The following FGF7 variants were observed in gnomAD, a reference collection of about 807,000 sequenced individuals.
The protein encoded by FGF7 is FGF-7.
A neutral mutation model predicts 20.5 loss-of-function variants in FGF7; 6 were observed. The ratio of observed to expected loss-of-function variants is 0.29; its 90% CI spans 0.16 to 0.58. The LOEUF (loss-of-function observed/expected upper bound fraction) is 0.58, where lower values mean the gene tolerates loss of function less well. FGF7 is among the 20% of genes least tolerant of loss of function. The pLI, the probability that FGF7 is intolerant of heterozygous loss-of-function variation, is 0.90. For synonymous variants in FGF7, 64 were observed against 74.7 expected, an observed-to-expected ratio of 0.86 and a Z score of 0.74; for missense variants, 144 against 228.8, an observed-to-expected ratio of 0.63 and a Z score of 2.39.
intron 2 of FGF7, among the ~76,000 whole-genome samples, chr15:49,449,899 G>C (rs2052567494): frequency 6.6e-6 from 1 of 151,966 alleles, no homozygotes; most frequent in Non-Finnish European, 1.5e-5. Flanking sequence ...TAAAATTTCT[G>C]AGTTGGAAAA....
chr15:49,459,904 T>C (rs571931427), intron 2 of FGF7, among the ~76,000 whole-genome samples: 1 of 152,298 alleles, frequency 6.6e-6, no homozygotes, highest in Non-Finnish European at 1.5e-5. Context: ...ACAATGTAAA[T>C]GGGCAAATGC....
intron 2 of FGF7, among the ~76,000 whole-genome samples, chr15:49,447,545 G>A (rs1430363409): frequency 1.3e-5 from 2 of 151,662 alleles, no homozygotes; most frequent in East Asian, 1.9e-4. Flanking sequence ...TAGCATATGC[G>A]TTGATGTATT....
chr15:49,482,941 A>G (rs1330328476), intron 2 of FGF7, among the ~76,000 whole-genome samples: 6 of 152,072 alleles, frequency 3.9e-5, no homozygotes, highest in Non-Finnish European at 7.4e-5. Flanking sequence ...CTACAAAATA[A>G]AAAACCATCG....
chr15:49,463,293 C>G (rs1338572698), intron 2 of FGF7, among the ~76,000 whole-genome samples: 2 of 152,214 alleles, frequency 1.3e-5, no homozygotes, highest in Non-Finnish European at 2.9e-5. Flanking sequence ...GTGGCTCACA[C>G]CTGTAATCCC....
intron 2 of FGF7, among the ~76,000 whole-genome samples, chr15:49,430,730 C>T (rs189708853): frequency 6.6e-6 from 1 of 151,774 alleles, no homozygotes; most frequent in African/African-American, 2.4e-5. Flanking sequence ...TCTAACAACC[C>T]ATTCTCTTCA....
rs1206706718 is a variant in FGF7, at chr15:49,485,634, A to G, written c.*1130A>G. The G allele has an allele frequency of 6.6e-6, 1 of 152,508 alleles. No individual in the cohort carries two copies. Among genetic ancestry groups the G allele is most frequent in the East Asian group, 1.9e-4 (1 of 5,196 alleles). The allele number at this position is 152,508 out of a possible 1,614,324, so 9.4% of individuals were successfully genotyped here. A position where few individuals can be genotyped will look rare whatever the true frequency, so the allele number is the denominator to read the frequency against. On this transcript the variant is annotated 3_prime_UTR_variant, in exon 4 of 4. Transcript: ENST00000267843. The stretch of plus-strand genomic sequence containing the variant: ...AGCAAATCCTGGAAGGCAGACAAAA[A>G]TAAGAGCCTGAAGCAATGCTTACAA...
chr15:49,444,392 T>G (rs1056514832), intron 2 of FGF7, among the ~76,000 whole-genome samples: 1 of 151,774 alleles, frequency 6.6e-6, no homozygotes. Flanking sequence ...GATTATGTTT[T>G]ATAGTATGAA....
At chr15:49,435,118 T>C (rs1395904406) in intron 2 of FGF7, among the ~76,000 whole-genome samples, 1 of 151,536 alleles carries the variant, frequency 6.6e-6, no homozygotes, top group South Asian at 2.1e-4. Context: ...GGGGGGTACA[T>C]GGGGAAAAGG....
chr15:49,473,201 G>A (rs182827626), intron 2 of FGF7, among the ~76,000 whole-genome samples: 2 of 152,242 alleles, frequency 1.3e-5, no homozygotes, highest in East Asian at 3.9e-4. Context: ...TTAGAAAGAT[G>A]AGACAGATTT....
intron 2 of FGF7, among the ~76,000 whole-genome samples, chr15:49,472,936 A>G (rs1490255332): frequency 6.6e-6 from 1 of 152,158 alleles, no homozygotes; most frequent in Non-Finnish European, 1.5e-5. Flanking sequence ...ATACTCATGT[A>G]TCAGTTATTT....
intron 2 of FGF7, among the ~76,000 whole-genome samples, chr15:49,467,724 A>G (rs2054389925): frequency 6.6e-6 from 1 of 152,162 alleles, no homozygotes; most frequent in Non-Finnish European, 1.5e-5. Context: ...CTTTCTGTAT[A>G]AAAGTTTAGA....
At chr15:49,478,814 T>C (rs2055611287) in intron 2 of FGF7, among the ~76,000 whole-genome samples, 1 of 152,138 alleles carries the variant, frequency 6.6e-6, no homozygotes, top group Non-Finnish European at 1.5e-5. Flanking sequence ...TTCTGTGTAG[T>C]GAGACACTAA....
intron 2 of FGF7, among the ~76,000 whole-genome samples, chr15:49,477,061 A>T (rs1316813754): frequency 1.5e-5 from 1 of 65,702 alleles, no homozygotes; most frequent in Non-Finnish European, 2.7e-5. Context: ...CTCTGTCTCG[A>T]AAAAAAAAAA....
At chr15:49,470,736 G>A (rs73400244) in intron 2 of FGF7, among the ~76,000 whole-genome samples, 3,974 of 152,292 alleles carry the variant, frequency 0.026, 188 homozygotes, top group African/African-American at 0.092. Context: ...AAGTATAAAT[G>A]AGTATTTGTG....
chr15:49,424,570 G>A lies in FGF7; in HGVS notation c.273G>A (p.Met91Ile), dbSNP rs1453185788. Residue 91 changes from methionine (M) to isoleucine (I), a missense_variant, in exon 2 of 4, where the codon ATG becomes ATA. Coordinates refer to ENST00000267843, the MANE Select transcript of FGF7 (RefSeq NM_002009.4). ...GCAAAGTAAAAGGGACCCAAGAGATGAAGAATAATTACAGTAAGTAATTTT... is the reference window on the plus strand; with the variant it reads ...GCAAAGTAAAAGGGACCCAAGAGATAAAGAATAATTACAGTAAGTAATTTT... ...KRGKVKGTQE[M>I]KNNYNIMEIR... 1 of 1,580,278 alleles carries A rather than the reference G, an allele frequency of 6.3e-7. No homozygotes were observed. The highest frequency in any genetic ancestry group is 8.6e-7 in the Non-Finnish European group (1 of 1,161,170).
chr15:49,475,094 G>A (rs1326141906), intron 2 of FGF7, among the ~76,000 whole-genome samples: 3 of 152,016 alleles, frequency 2.0e-5, no homozygotes, highest in Admixed American at 1.3e-4. Flanking sequence ...CTATAGAATT[G>A]GTTACACAAA....
intron 2 of FGF7, among the ~76,000 whole-genome samples, chr15:49,462,137 AAAGGCAG>A (rs1196859418): frequency 2.0e-5 from 3 of 152,288 alleles, no homozygotes; most frequent in African/African-American, 7.2e-5. Flanking sequence ...AATTGTATTT[AAAGGCAG>A]TATGAGAGCA....
At chr15:49,446,620 G>A (rs2052243564) in intron 2 of FGF7, among the ~76,000 whole-genome samples, 1 of 151,408 alleles carries the variant, frequency 6.6e-6, no homozygotes, top group South Asian at 2.1e-4. Context: ...AGAACAAAAT[G>A]TGAAAAAAAG....
At chr15:49,460,866 G>C (rs936504333) in intron 2 of FGF7, among the ~76,000 whole-genome samples, 20 of 152,086 alleles carry the variant, frequency 1.3e-4, no homozygotes, top group African/African-American at 3.9e-4. Flanking sequence ...ATTATGTTTT[G>C]TTTTGTCTTT....
Sources: gnomAD v4.1 joint callset for allele counts (sites outside exome capture counted in the v4.1 genomes callset) on GRCh38, gnomAD v4.1.1 for gene constraint, MANE v1.5 for transcripts, NCBI Gene and HGNC (gene_info 2026-07-23, HGNC 2026-07-21) for gene names.